C1QTNF3: variants seen among roughly 807,000 people sequenced by gnomAD.
C1QTNF3 encodes complement C1q tumor necrosis factor-related protein 3.
C1QTNF3 carries 26 observed loss-of-function variants against 32.6 expected under a neutral mutation model. The ratio of observed to expected loss-of-function variants is 0.80; its 90% CI spans 0.58 to 1.11. The LOEUF (loss-of-function observed/expected upper bound fraction) is 1.11, where lower values mean the gene tolerates loss of function less well. Ranked by LOEUF, C1QTNF3 falls within the 50% of genes least tolerant of loss-of-function variation. The pLI, the probability that C1QTNF3 is intolerant of heterozygous loss-of-function variation, is 0.00. For synonymous variants in C1QTNF3, 155 were observed against 146.0 expected (o/e 1.06, Z -0.44); for missense variants, 362 against 398.2 (o/e 0.91, Z 0.77).
At chr5:34,241,091 CAAAAA>C in the C1QTNF3 span, among the ~76,000 whole-genome samples, 3 of 147,332 alleles carry the variant, frequency 2.0e-5, no homozygotes, top group African/African-American at 7.5e-5. Flanking sequence ...AAAAACAAAA[CAAAAA>C]AAAAACCCTC....
chr5:34,123,235 T>C, the C1QTNF3 span, among the ~76,000 whole-genome samples: 1 of 152,096 alleles, frequency 6.6e-6, no homozygotes, highest in Non-Finnish European at 1.5e-5. Context: ...CAAGGCTGCC[T>C]CCATGAACCC....
At chr5:34,080,732 A>C in the C1QTNF3 span, among the ~76,000 whole-genome samples, 1 of 151,720 alleles carries the variant, frequency 6.6e-6, no homozygotes, top group South Asian at 2.1e-4. Context: ...GACCTGTGAA[A>C]AATTCACGAT....
the C1QTNF3 span, among the ~76,000 whole-genome samples, chr5:34,062,461 C>T: frequency 6.6e-6 from 1 of 152,130 alleles, no homozygotes. Flanking sequence ...CCTGTTTATC[C>T]TATGTGCCTT....
the C1QTNF3 span, among the ~76,000 whole-genome samples, chr5:34,065,313 A>C: frequency 6.6e-6 from 1 of 152,186 alleles, no homozygotes; most frequent in African/African-American, 2.4e-5. Flanking sequence ...TCGTAAGAAA[A>C]ATGCAAATCA....
intron 1 of C1QTNF3, among the ~76,000 whole-genome samples, chr5:34,039,097 A>G (rs1754809634): frequency 6.6e-6 from 1 of 152,262 alleles, no homozygotes; most frequent in East Asian, 1.9e-4. Context: ...TCCTAGGAGC[A>G]TTTGGCTGGT....
At chr5:34,230,689 C>A in the C1QTNF3 span, among the ~76,000 whole-genome samples, 1 of 152,212 alleles carries the variant, frequency 6.6e-6, no homozygotes, top group South Asian at 2.1e-4. Flanking sequence ...TTCAAATTCA[C>A]CATATTTCAA....
chr5:34,141,033 G>C, the C1QTNF3 span, among the ~76,000 whole-genome samples: 102 of 152,310 alleles, frequency 6.7e-4, no homozygotes, highest in Non-Finnish European at 1.2e-3. Flanking sequence ...AAAGTATCAC[G>C]AAGTGAGTGG....
At chr5:34,108,447 C>G in the C1QTNF3 span, among the ~76,000 whole-genome samples, 1 of 152,144 alleles carries the variant, frequency 6.6e-6, no homozygotes, top group Admixed American at 6.6e-5. Context: ...GCCAGAATAG[C>G]ATGGTTCTTA....
the C1QTNF3 span, among the ~76,000 whole-genome samples, chr5:34,092,390 A>T: frequency 6.6e-6 from 1 of 151,932 alleles, no homozygotes; most frequent in Admixed American, 6.6e-5. Context: ...AGTCTTTGAC[A>T]TTTAATTTAT....
At chr5:34,203,243 G>A in the C1QTNF3 span, among the ~76,000 whole-genome samples, 3 of 151,880 alleles carry the variant, frequency 2.0e-5, no homozygotes, top group Admixed American at 1.3e-4. Context: ...GAGACAGACA[G>A]AAAGAAAAAC....
chr5:34,131,111 T>G, the C1QTNF3 span, among the ~76,000 whole-genome samples: 2 of 152,224 alleles, frequency 1.3e-5, no homozygotes, highest in Admixed American at 1.3e-4. Context: ...CTCAAAAACA[T>G]TAATGTCAAA....
chr5:34,154,032 TA>T, the C1QTNF3 span, among the ~76,000 whole-genome samples: 18,645 of 103,044 alleles, frequency 0.18, 2,367 homozygotes, highest in African/African-American at 0.37. Context: ...ACCTGCAAAA[TA>T]AAAAAAAAAA....
the C1QTNF3 span, among the ~76,000 whole-genome samples, chr5:34,235,845 A>G: frequency 6.6e-6 from 1 of 152,282 alleles, no homozygotes; most frequent in African/African-American, 2.4e-5. Flanking sequence ...TATTACTTGG[A>G]ATAGTGCTAG....
chr5:34,107,712 C>CAG, the C1QTNF3 span, among the ~76,000 whole-genome samples: 1 of 151,896 alleles, frequency 6.6e-6, no homozygotes, highest in Non-Finnish European at 1.5e-5. Context: ...GCCAAAGAAA[C>CAG]AGATGACTGA....
the C1QTNF3 span, among the ~76,000 whole-genome samples, chr5:34,143,029 G>A: frequency 6.6e-6 from 1 of 152,200 alleles, no homozygotes; most frequent in Non-Finnish European, 1.5e-5. Flanking sequence ...TCCAAGGAAT[G>A]CAAGGAATAG....
At chr5:34,241,712 G>A in the C1QTNF3 span, among the ~76,000 whole-genome samples, 1 of 151,620 alleles carries the variant, frequency 6.6e-6, no homozygotes, top group African/African-American at 2.4e-5. Context: ...AGACCAACCT[G>A]GGCAACATAG....
At chr5:34,227,763 T>C in the C1QTNF3 span, among the ~76,000 whole-genome samples, 2 of 151,884 alleles carry the variant, frequency 1.3e-5, no homozygotes, top group Admixed American at 1.3e-4. Context: ...CCAATGTATT[T>C]AACCAATAGC....
the C1QTNF3 span, among the ~76,000 whole-genome samples, chr5:34,123,937 AT>A: frequency 6.6e-6 from 1 of 151,822 alleles, no homozygotes; most frequent in South Asian, 2.1e-4. Flanking sequence ...ACAGAAATAC[AT>A]TTTTTTTGCA....
the C1QTNF3 span, among the ~76,000 whole-genome samples, chr5:34,230,359 C>T: frequency 6.6e-6 from 1 of 152,040 alleles, no homozygotes; most frequent in Non-Finnish European, 1.5e-5. Context: ...TTTTAAACTA[C>T]TAAGTGTATT....
Sources: allele counts gnomAD v4.1 joint callset (sites outside exome capture counted in the v4.1 genomes callset), GRCh38; gene constraint gnomAD v4.1.1; transcripts MANE v1.5; gene names NCBI Gene and HGNC (gene_info 2026-07-23, HGNC 2026-07-21).